The following CFLAR variants were observed in gnomAD, a reference collection of about 807,000 sequenced individuals.
CFLAR encodes the protein CASP8 and FADD like apoptosis regulator.
Under a neutral mutation model 51.1 loss-of-function variants are expected in CFLAR, and 14 were observed. That is an observed-to-expected ratio of 0.27 (90% CI 0.18 to 0.43). CFLAR has a LOEUF of 0.43. Ranked by LOEUF, CFLAR falls within the 20% of genes least tolerant of loss-of-function variation. The pLI is 1.00. For synonymous variants in CFLAR, 210 were observed against 211.6 expected (o/e 0.99, Z 0.06); for missense variants, 390 against 566.5 (o/e 0.69, Z 3.16).
At chr2:201,133,259 T>G (rs1267521177) in intron 3 of CFLAR, 125 bp downstream of exon 3, 2 of 654,020 alleles carry the variant, frequency 3.1e-6, no homozygotes, top group Non-Finnish European at 5.5e-6. Flanking sequence ...ACATCTCAGG[T>G]GGCTTTTAAA....
In CFLAR at chr2:201,118,208, T is replaced by C. The variant is rs2047806269; in HGVS notation, c.-138+1727T>C. Among the ~76,000 whole-genome samples, 1 of 152,278 alleles carries C rather than the reference T, an allele frequency of 6.6e-6. No individual in the cohort carries two copies. Among genetic ancestry groups the C allele is most frequent in the Non-Finnish European group, 1.5e-5 (1 of 68,052 alleles). On this transcript the variant is annotated intron_variant, in intron 1 of 9. Transcript: ENST00000309955. The surrounding 1 kb of genome is among the most constrained non-coding windows in gnomAD (Gnocchi z 5.1). ...TTAAAATGGCTTTCTCTAGCGACTT[T>C]ATGTTTTACGTTTCTGTTTGTAACT...
At chr2:201,147,976 C>T (rs779825527) in intron 6 of CFLAR, 1 of 152,192 alleles carries the variant, frequency 6.6e-6, no homozygotes, top group Non-Finnish European at 1.5e-5. Flanking sequence ...ATGGTGATAA[C>T]TTCAATTTAG....
rs1273014726 is a variant in CFLAR at position 201,170,891 on chromosome 2, A to C, written c.*6918A>C. On this transcript the variant is annotated 3_prime_UTR_variant, in exon 10 of 10. Transcript: ENST00000309955. ...CATTTAGATATAGTTTAAGATACTT[A>C]GAAGTTATGTGGCTTTGCCACTATG... The C allele has an allele frequency of 1.3e-5, 2 of 152,258 alleles. No homozygotes were observed. The highest frequency in any genetic ancestry group is 4.8e-5 in the African/African-American group (2 of 41,472). The allele number at this position is 152,258 out of a possible 1,614,324, so 9.4% of individuals were successfully genotyped here.
chr2:201,161,905 C>A (rs938999856), intron 9 of CFLAR, among the ~76,000 whole-genome samples: 81 of 151,840 alleles, frequency 5.3e-4, no homozygotes, highest in Admixed American at 1.1e-3. Flanking sequence ...CGCCATCACA[C>A]CTGGCTAATT....
chr2:201,136,958 G>C (rs1308911506), intron 4 of CFLAR: 1 of 193,752 alleles, frequency 5.2e-6, no homozygotes, highest in Non-Finnish European at 1.1e-5. Flanking sequence ...GCCATGACCA[G>C]GGCAGCCTCC....
In CFLAR at chr2:201,116,331, G is replaced by A. The variant is rs1020006613; in HGVS notation, c.-288G>A. 1 of 152,306 alleles carries A rather than the reference G, an allele frequency of 6.6e-6. No individual in the cohort carries two copies. Among genetic ancestry groups the A allele is most frequent in the Non-Finnish European group, 1.5e-5 (1 of 68,098 alleles). The allele number at this position is 152,306 out of a possible 1,614,324, so 9.4% of individuals were successfully genotyped here. A position where few individuals can be genotyped will look rare whatever the true frequency, so the allele number is the denominator to read the frequency against. ...AACAAGGACCACGGGAGGAGGTGTA[G>A]GAGAGAAGCGCCGCGAACAGCGATC... is the stretch of plus-strand genomic sequence containing the variant. On this transcript the variant is annotated 5_prime_UTR_variant, in exon 1 of 10. Transcript: ENST00000309955. The surrounding 1 kb of genome is among the most constrained non-coding windows in gnomAD (Gnocchi z 4.8).
At position 201,174,546 on chromosome 2, in the gene CFLAR, GTTC is replaced by G. The variant is rs942865826; in HGVS notation, c.*10579_*10581del. On this transcript the variant is annotated 3_prime_UTR_variant, in exon 10 of 10. Transcript: ENST00000309955. ...GTCCTCTAACTTTGTTGTTGTTGTT[GTTC>G]TTCTTTTTTCTTTTGTAGAGATGAG... 3 of 151,974 alleles carry G rather than the reference GTTC, an allele frequency of 2.0e-5. No homozygotes were observed. Among genetic ancestry groups the G allele is most frequent in the Non-Finnish European group, 4.4e-5 (3 of 68,020 alleles). 9.4% of individuals were successfully genotyped at this position (151,974 alleles called of 1,614,324 possible).
At chr2:201,140,190 A>C in intron 4 of CFLAR, 167 bp from the exon 5 acceptor site, 1 of 736,748 alleles carries the variant, frequency 1.4e-6, no homozygotes. Context: ...TCCATTCTTC[A>C]TGATGTTTGG....
rs1221441109 is a variant in CFLAR at position 201,168,255 on chromosome 2, T to C, written c.*4282T>C. The C allele has an allele frequency of 2.0e-5, 3 of 151,766 alleles. No homozygotes were observed. The highest frequency in any genetic ancestry group is 4.4e-5 in the Non-Finnish European group (3 of 67,946). The allele number at this position is 151,766 out of a possible 1,614,324, so 9.4% of individuals were successfully genotyped here. A position where few individuals can be genotyped will look rare whatever the true frequency, so the allele number is the denominator to read the frequency against. On this transcript the variant is annotated 3_prime_UTR_variant, in exon 10 of 10. Coordinates refer to ENST00000309955, the MANE Select transcript of CFLAR (RefSeq NM_003879.7). ...AGACTCTGTCTCAAAAATAAATAAA[T>C]AAATAAATAATAAATAAAATGTTTG... is the stretch of plus-strand genomic sequence containing the variant.
At chr2:201,151,168 CTCTTCTA>C (rs1272291180) in intron 8 of CFLAR, 1 of 152,190 alleles carries the variant, frequency 6.6e-6, no homozygotes, top group Non-Finnish European at 1.5e-5. Context: ...TGGCCTCAGT[CTCTTCTA>C]TCTGCGCGTC....
Position 201,118,176 on chromosome 2 carries a change from G to T in CFLAR, c.-138+1695G>T, listed in dbSNP as rs2047802468. On this transcript the variant is annotated intron_variant, in intron 1 of 9. Transcript: ENST00000309955. This position sits in a 1 kb window ranked among gnomAD's most constrained non-coding sequence, Gnocchi z 5.1. ...CTTTACTTAAGCTTTTGGGTCAAAT[G>T]TCCTCGTTAAAATGGCTTTCTCTAG... Among the ~76,000 whole-genome samples, 1 of 152,206 alleles carries T rather than the reference G, an allele frequency of 6.6e-6. No individual in the cohort carries two copies. Among genetic ancestry groups the T allele is most frequent in the Non-Finnish European group, 1.5e-5 (1 of 68,026 alleles).
At chr2:201,152,117 C>T (rs1941379981) in intron 8 of CFLAR, among the ~76,000 whole-genome samples, 1 of 151,874 alleles carries the variant, frequency 6.6e-6, no homozygotes, top group Admixed American at 6.6e-5. Context: ...CTCCCGAGTA[C>T]ATCCCTGCCG....
chr2:201,117,308 T>C (rs1471069001), intron 1 of CFLAR, among the ~76,000 whole-genome samples: 1 of 152,194 alleles, frequency 6.6e-6, no homozygotes, highest in Non-Finnish European at 1.5e-5. Flanking sequence ...GACTGGGAAA[T>C]GTAAACTGGC....
At position 201,170,805 on chromosome 2, in the gene CFLAR, T is replaced by C. The variant is rs1044841236; in HGVS notation, c.*6832T>C. The C allele has an allele frequency of 3.3e-5, 5 of 152,266 alleles. No homozygotes were observed. The highest frequency in any genetic ancestry group is 1.2e-4 in the African/African-American group (5 of 41,466). 9.4% of individuals were successfully genotyped at this position (152,266 alleles called of 1,614,324 possible). ...TTTACACAAAAATATGTTGTGAATA[T>C]TTTCCTATATTATGAAATATCATTA... On this transcript the variant is annotated 3_prime_UTR_variant, in exon 10 of 10. Transcript: ENST00000309955.
intron 8 of CFLAR, among the ~76,000 whole-genome samples, chr2:201,150,838 G>A (rs1272139179): frequency 6.6e-6 from 1 of 152,162 alleles, no homozygotes; most frequent in Admixed American, 6.5e-5. Context: ...CTGTGTGTCA[G>A]GAGGAAATGA....
intron 5 of CFLAR, chr2:201,141,252 C>T (rs1475879509): frequency 7.8e-6 from 10 of 1,276,414 alleles, no homozygotes; most frequent in Non-Finnish European, 1.0e-5. Context: ...TTTCTTCCTA[C>T]CCCTATAATA....
rs1450273040 is a variant in CFLAR at position 201,172,714 on chromosome 2, A to G, written c.*8741A>G. 6.6e-6 allele frequency: 1 copy of G among 152,216 alleles called. No individual in the cohort carries two copies. Among genetic ancestry groups the G allele is most frequent in the Non-Finnish European group, 1.5e-5 (1 of 68,038 alleles). The allele number at this position is 152,216 out of a possible 1,614,324, so 9.4% of individuals were successfully genotyped here. On this transcript the variant is annotated 3_prime_UTR_variant, in exon 10 of 10. Transcript: ENST00000309955. ...GCATGTTTCAAGGTTCATCTATGCT[A>G]TAGAGTGTACCAGTGCTTCATTACA...
chr2:201,131,849 ACCTTGTTGGG>A (rs371127794), intron 2 of CFLAR, among the ~76,000 whole-genome samples: 199 of 152,168 alleles, frequency 1.3e-3, no homozygotes, highest in Non-Finnish European at 2.5e-3. Flanking sequence ...CCAATCACTA[ACCTTGTTGGG>A]CCTCTGTTTT....
intron 1 of CFLAR, among the ~76,000 whole-genome samples, chr2:201,125,312 A>G (rs1396003631): frequency 6.6e-6 from 1 of 152,126 alleles, no homozygotes. Flanking sequence ...CACTGAGTAC[A>G]GACTATTCCT....
Sources: gnomAD v4.1 joint callset for allele counts (sites outside exome capture counted in the v4.1 genomes callset) on GRCh38, gnomAD v4.1.1 for gene constraint, Gnocchi (gnomAD v3.1) non-coding constraint, MANE v1.5 for transcripts, NCBI Gene and HGNC (gene_info 2026-07-23, HGNC 2026-07-21) for gene names.